The following ABCC12 variants were observed in gnomAD, a reference collection of about 807,000 sequenced individuals.
The protein encoded by ABCC12 is ATP-binding cassette sub-family C member 12.
In ABCC12, 142 loss-of-function variants were observed where a neutral mutation model predicts 151.1. The ratio of observed to expected loss-of-function variants is 0.94; its 90% confidence interval spans 0.82 to 1.08. The LOEUF is 1.08. Among genes scored for constraint, ABCC12 ranks in the 50% least tolerant of loss-of-function variants. The probability of loss-of-function intolerance (pLI) is 0.00; values close to 1 mark genes in which losing one functional copy is unlikely to be tolerated. For synonymous variants in ABCC12, 645 were observed against 646.4 expected, an observed-to-expected ratio of 1.00 and a Z score of 0.03; for missense variants, 1,638 against 1,691.1, an observed-to-expected ratio of 0.97 and a Z score of 0.55.
At chr16:48,104,994 G>T in intron 21 of ABCC12, 145 bp downstream of exon 21, 1 of 877,692 alleles carries the variant, frequency 1.1e-6, no homozygotes, top group Non-Finnish European at 1.8e-6. Flanking sequence ...TTAGCTATTT[G>T]GGAGACTCTT....
intron 24 of ABCC12, among the ~76,000 whole-genome samples, chr16:48,094,783 C>T (rs866359314): frequency 1.6e-4 from 24 of 152,312 alleles, no homozygotes; most frequent in Admixed American, 4.6e-4. Context: ...TGGCTGCTTT[C>T]CTGAAGTGAA....
intron 27 of ABCC12, chr16:48,087,255 C>A (rs1169416099): frequency 1.2e-5 from 2 of 167,298 alleles, no homozygotes; most frequent in Non-Finnish European, 2.6e-5. Context: ...AGCTCAGACG[C>A]AGAATGTAAA....
At chr16:48,130,443 G>A (rs1369542405) in intron 10 of ABCC12, among the ~76,000 whole-genome samples, 1 of 152,144 alleles carries the variant, frequency 6.6e-6, no homozygotes, top group African/African-American at 2.4e-5. Context: ...CCATCACCAT[G>A]CCCATTAAAG....
At chr16:48,095,336 C>T (rs1473650848) in intron 24 of ABCC12, among the ~76,000 whole-genome samples, 1 of 150,222 alleles carries the variant, frequency 6.7e-6, no homozygotes, top group East Asian at 1.9e-4. Flanking sequence ...TATGAGGCCT[C>T]CCCAGCCACG....
intron 11 of ABCC12, among the ~76,000 whole-genome samples, chr16:48,125,736 A>AC (rs1255815403): frequency 6.6e-6 from 1 of 152,042 alleles, no homozygotes; most frequent in Non-Finnish European, 1.5e-5. Context: ...CTTTTTTCCC[A>AC]CCCCAAGCTA....
chr16:48,151,203 G>A (rs987031242), intron 2 of ABCC12, among the ~76,000 whole-genome samples: 2 of 152,136 alleles, frequency 1.3e-5, no homozygotes, highest in Non-Finnish European at 2.9e-5. Context: ...TTAATATGAT[G>A]GGGCAAAAAG....
intron 18 of ABCC12, 61 bp from the exon 19 acceptor site, chr16:48,108,590 G>A (rs1963580562): frequency 2.9e-6 from 4 of 1,393,690 alleles, no homozygotes; most frequent in South Asian, 1.2e-5. Flanking sequence ...CAGCGAGGTA[G>A]GCACGGCCCC....
Position 48,115,417 on chromosome 16 carries a change from G to C in ABCC12, c.1987C>G (p.Gln663Glu). 1 of 1,613,976 alleles carries C rather than the reference G, an allele frequency of 6.2e-7. No homozygotes were observed. The highest frequency in any genetic ancestry group is 8.5e-7 in the Non-Finnish European group (1 of 1,179,934). Reference protein sequence around the residue: ...KTVVLVTHQLQFLESCDEVIL... With the variant: ...KTVVLVTHQLEFLESCDEVIL... ...CTGGATCCTGCATGTCCCATCACCT[G>C]TAGCTGGTGGGTCACCAGGACGACT... The change falls in exon 15 of 31, where the codon CAG becomes GAG. Residue 663 changes from glutamine to glutamate, a missense_variant and splice_region_variant. By Grantham distance (29) the Gln-to-Glu change is conservative. Transcript: ENST00000311303.
At chr16:48,144,379 GTTC>G (rs939834988) in intron 3 of ABCC12, among the ~76,000 whole-genome samples, 12 of 151,694 alleles carry the variant, frequency 7.9e-5, no homozygotes, top group Admixed American at 5.9e-4. Context: ...TCCTTTTTTT[GTTC>G]TTCTTCCTTC....
At chr16:48,108,394 T>C (rs1190959432) in intron 19 of ABCC12, 46 bp downstream of exon 19, 1 of 1,556,630 alleles carries the variant, frequency 6.4e-7, no homozygotes, top group Non-Finnish European at 8.9e-7. Flanking sequence ...AGACAGGATT[T>C]TTAAAATGCA....
chr16:48,103,036 C>A (rs1162152960), intron 22 of ABCC12, among the ~76,000 whole-genome samples: 2 of 152,228 alleles, frequency 1.3e-5, no homozygotes, highest in African/African-American at 4.8e-5. Flanking sequence ...TCTGCCCTGA[C>A]CTTTCTGTAG....
At chr16:48,106,735 T>G (rs921635185) in intron 20 of ABCC12, among the ~76,000 whole-genome samples, 1 of 152,138 alleles carries the variant, frequency 6.6e-6, no homozygotes, top group African/African-American at 2.4e-5. Context: ...CAGGAAAGCT[T>G]TGAGACCATT....
chr16:48,128,476 T>A lies in ABCC12; in HGVS notation c.1498A>T (p.Ser500Cys). The change falls in exon 11 of 31, where the codon AGC (serine) becomes TGC (cysteine). Residue 500 changes from serine (S) to cysteine (C), a missense_variant. By Grantham distance (112) the Ser-to-Cys change is moderately radical (BLOSUM62 -1). Transcript: ENST00000311303. ...ACACCCACCTTTCTCACCACAAAGC[T>A]TATGCTGTGCAGAACCGATTTGAGG... ...DSLKSVLHSI[S>C]FVVRKGKILG... 1 of 1,614,206 alleles carries A rather than the reference T, an allele frequency of 6.2e-7. No individual in the cohort carries two copies. The highest frequency in any genetic ancestry group is 1.1e-5 in the South Asian group (1 of 91,082).
At chr16:48,105,616 C>T (rs558915143) in intron 20 of ABCC12, among the ~76,000 whole-genome samples, 1 of 152,304 alleles carries the variant, frequency 6.6e-6, no homozygotes, top group African/African-American at 2.4e-5. Flanking sequence ...GGGCAGACAT[C>T]CCCGAAGCTC....
At position 48,141,201 on chromosome 16, in the gene ABCC12, C is replaced by G; in HGVS notation, c.423+5G>C. On this transcript the variant is annotated splice_donor_5th_base_variant and intron_variant, in intron 5 of 30. Transcript: ENST00000311303. Reference sequence around the variant, plus strand: ...CAGATGAGGAGGAAGGGCTGCCGCACTCACCGGCCCTATGGCTGCCATGAT... The same window carrying G: ...CAGATGAGGAGGAAGGGCTGCCGCAGTCACCGGCCCTATGGCTGCCATGAT... 1 of 1,612,880 alleles carries G rather than the reference C, an allele frequency of 6.2e-7. No homozygotes were observed. Among genetic ancestry groups the G allele is most frequent in the Non-Finnish European group, 8.5e-7 (1 of 1,178,964 alleles).
rs563991683 is a variant in ABCC12 at position 48,129,419 on chromosome 16, G to A, written c.1237-682C>T. ...ATGAGAAAAGGGAAAGAGAATGACA[G>A]CATTCTACCTGAAGGCCCAGCATGG... On this transcript the variant is annotated intron_variant, in intron 10 of 30. Transcript: ENST00000311303. 7.2e-5 allele frequency among the ~76,000 whole-genome samples: 11 copies of A among 152,290 alleles called. No individual in the cohort carries two copies. In the East Asian group the frequency reaches 7.7e-4, roughly 11 times the overall value.
chr16:48,138,807 T>TA (rs1236859962), intron 7 of ABCC12, among the ~76,000 whole-genome samples: 1 of 129,356 alleles, frequency 7.7e-6, no homozygotes, highest in East Asian at 2.0e-4. Flanking sequence ...TCTCTACAAT[T>TA]TTTTTTTTTA....
Position 48,083,468 on chromosome 16 carries a change from A to G in ABCC12, c.*247T>C, listed in dbSNP as rs1327802090. The G allele has an allele frequency of 2.2e-6, 1 of 463,892 alleles. No homozygotes were observed. The highest frequency in any genetic ancestry group is 3.8e-6 in the Non-Finnish European group (1 of 266,334). 28.7% of individuals were successfully genotyped at this position (463,892 alleles called of 1,614,324 possible). ...GAACCCTTGGGGATTTGGGAGGTGA[A>G]GGGCAGTTTTTTAATCCATTAGCTG... On this transcript the variant is annotated 3_prime_UTR_variant, in exon 31 of 31. Coordinates refer to ENST00000311303, the MANE Select transcript of ABCC12 (RefSeq NM_001393797.1).
chr16:48,122,093 AGC>A (rs780493464), intron 12 of ABCC12, among the ~76,000 whole-genome samples: 3 of 152,212 alleles, frequency 2.0e-5, no homozygotes, highest in Admixed American at 6.5e-5. Flanking sequence ...CAAATGGGAG[AGC>A]TTGGACTGCA....
Sources: gnomAD v4.1 joint callset for allele counts (sites outside exome capture counted in the v4.1 genomes callset) on GRCh38, gnomAD v4.1.1 for gene constraint, MANE v1.5 for transcripts, NCBI Gene and HGNC (gene_info 2026-07-23, HGNC 2026-07-21) for gene names.